GREB1: variants seen among roughly 807,000 people sequenced by gnomAD.
GREB1 encodes growth regulating estrogen receptor binding 1, also known as protein GREB1.
GREB1 carries 106 observed loss-of-function variants against 200.7 expected under a neutral mutation model. That is an observed-to-expected ratio of 0.53 (90% CI 0.45 to 0.62). GREB1 has a LOEUF of 0.62. Ranked by LOEUF, GREB1 falls within the 20% of genes least tolerant of loss-of-function variation. The pLI is 0.00. For missense variants in GREB1, 2,243 were observed against 2,556.8 expected (o/e 0.88, Z 2.65); for synonymous variants, 1,132 against 1,092.4 (o/e 1.04, Z -0.72).
intron 7 of GREB1, among the ~76,000 whole-genome samples, chr2:11,584,043 C>A (rs929342141): frequency 6.6e-6 from 1 of 152,100 alleles, no homozygotes; most frequent in Non-Finnish European, 1.5e-5. Flanking sequence ...ATTTCTCCAC[C>A]CGGGCTGTGC....
intron 1 of GREB1, among the ~76,000 whole-genome samples, chr2:11,517,679 T>C (rs1673554000): frequency 6.6e-6 from 1 of 151,876 alleles, no homozygotes; most frequent in Non-Finnish European, 1.5e-5. Context: ...TGAGACAGAG[T>C]CTCGCTCTGT....
chr2:11,553,499 C>CA (rs1558534865), intron 1 of GREB1, among the ~76,000 whole-genome samples: 3 of 147,826 alleles, frequency 2.0e-5, no homozygotes, highest in South Asian at 2.1e-4. Flanking sequence ...AACAAACAAA[C>CA]AAAAAACCCC....
chr2:11,592,725 C>T, intron 10 of GREB1, 51 bp from the exon 11 acceptor site: 1 of 1,263,636 alleles, frequency 7.9e-7, no homozygotes, highest in Non-Finnish European at 1.1e-6. Flanking sequence ...CCGTGCGTCC[C>T]CGGATGCCGC....
At chr2:11,634,433 C>T (rs1381493552) in intron 29 of GREB1, 84 bp downstream of exon 29, 7 of 1,068,294 alleles carry the variant, frequency 6.6e-6, no homozygotes, top group Middle Eastern at 2.8e-4. Context: ...GCTGCAGAGG[C>T]GTCCTGGCTG....
At chr2:11,546,070 G>T (rs976160425) in intron 1 of GREB1, among the ~76,000 whole-genome samples, 1 of 152,074 alleles carries the variant, frequency 6.6e-6, no homozygotes, top group Non-Finnish European at 1.5e-5. Context: ...CCAGCTACTC[G>T]GGAGGCTGAG....
rs776887406 is a variant in GREB1 at position 11,632,957 on chromosome 2, G to C, written c.4885G>C (p.Glu1629Gln). ...NLELERNRQEELGIKPQDIWP... is the reference protein window; with the variant it reads ...NLELERNRQEQLGIKPQDIWP... ...GGAGCTCGAGCGGAACCGGCAGGAG[G>C]AGCTGGGAATCAAGCCGCAGGACAT... The change falls in exon 28 of 33, where the codon GAG becomes CAG. Residue 1629 changes from glutamate (E) to glutamine (Q), a missense_variant. Coordinates refer to ENST00000381486, the MANE Select transcript of GREB1 (RefSeq NM_014668.4). 6.2e-7 allele frequency: 1 copy of C among 1,614,174 alleles called. No homozygotes were observed. Among genetic ancestry groups the C allele is most frequent in the Non-Finnish European group, 8.5e-7 (1 of 1,180,022 alleles).
upstream of GREB1, among the ~76,000 whole-genome samples, chr2:11,533,542 A>G (rs983031685): frequency 6.6e-6 from 1 of 152,246 alleles, no homozygotes; most frequent in Non-Finnish European, 1.5e-5. Context: ...CTCTGTAAAC[A>G]GAAGCCGGGA....
chr2:11,639,138 G>A (rs1168753584), intron 32 of GREB1, among the ~76,000 whole-genome samples: 1 of 152,142 alleles, frequency 6.6e-6, no homozygotes, highest in Admixed American at 6.6e-5. Context: ...CACCTTGGCT[G>A]GAGTGCAGTG....
At chr2:11,552,836 C>T (rs1047863004) in intron 1 of GREB1, among the ~76,000 whole-genome samples, 1 of 151,902 alleles carries the variant, frequency 6.6e-6, no homozygotes, top group Non-Finnish European at 1.5e-5. Context: ...ACGGTGAAAC[C>T]CCGTCTCTAC....
chr2:11,600,711 G>T (rs1358491764), intron 15 of GREB1, 89 bp from the exon 16 acceptor site: 4 of 1,002,376 alleles, frequency 4.0e-6, no homozygotes, highest in Non-Finnish European at 1.6e-6. Context: ...TAAAGTCAGG[G>T]GTTAGTTATA....
upstream of GREB1, among the ~76,000 whole-genome samples, chr2:11,532,464 TC>T (rs1284369263): frequency 6.6e-6 from 1 of 152,228 alleles, no homozygotes; most frequent in African/African-American, 2.4e-5. Flanking sequence ...TAGTTATCTT[TC>T]CTTACGCCTT....
At chr2:11,484,587 AAAAAC>A (rs768134401) in intron 1 of GREB1, among the ~76,000 whole-genome samples, 3,604 of 11,154 alleles carry the variant, frequency 0.32, 125 homozygotes, top group South Asian at 0.41. Context: ...TCATCTCTTA[AAAAAC>A]AAAAAAAAAA....
At chr2:11,608,981 G>A (rs1427597792) in intron 17 of GREB1, among the ~76,000 whole-genome samples, 1 of 152,104 alleles carries the variant, frequency 6.6e-6, no homozygotes, top group Admixed American at 6.6e-5. Flanking sequence ...CTCTTCCTGA[G>A]TACATCCCAG....
At chr2:11,579,539 T>C (rs564187004) in intron 6 of GREB1, among the ~76,000 whole-genome samples, 2 of 152,350 alleles carry the variant, frequency 1.3e-5, no homozygotes, top group East Asian at 3.9e-4. Flanking sequence ...ATTCTCACAG[T>C]GGCTCTGAGT....
At chr2:11,596,852 G>A (rs1339761443) in intron 13 of GREB1, among the ~76,000 whole-genome samples, 1 of 137,038 alleles carries the variant, frequency 7.3e-6, no homozygotes, top group Non-Finnish European at 1.6e-5. Context: ...CAGGGTCACT[G>A]GTGTGTACAG....
intron 1 of GREB1, among the ~76,000 whole-genome samples, chr2:11,496,018 G>T (rs747731332): frequency 1.3e-5 from 2 of 152,130 alleles, no homozygotes; most frequent in Non-Finnish European, 2.9e-5. Flanking sequence ...CCAAAAAGCG[G>T]CACGGCTGGG....
chr2:11,607,538 A>G (rs1682464176), intron 17 of GREB1, among the ~76,000 whole-genome samples: 1 of 146,560 alleles, frequency 6.8e-6, no homozygotes, highest in African/African-American at 2.6e-5. Flanking sequence ...ACACATATAT[A>G]TACATATATG....
chr2:11,517,252 G>C (rs1673538000), intron 1 of GREB1: 1 of 152,742 alleles, frequency 6.5e-6, no homozygotes, highest in Non-Finnish European at 1.5e-5. Context: ...AGTCGGTGTT[G>C]TGCAGTCGCT....
At position 11,629,270 on chromosome 2, in the gene GREB1, C is replaced by T. The variant is rs1684696473; in HGVS notation, c.4450-678C>T. 6.6e-6 allele frequency among the ~76,000 whole-genome samples: 1 copy of T among 152,070 alleles called. No individual in the cohort carries two copies. The highest frequency in any genetic ancestry group is 1.5e-5 in the Non-Finnish European group (1 of 68,020). ...CGTAAGAGGACGTTCAAGCTGAGGG[C>T]AAAGCTGCGCTGGAGGTCACACCCA... On this transcript the variant is annotated intron_variant, in intron 25 of 32. Transcript: ENST00000381486. The surrounding 1 kb of genome is among the most constrained non-coding windows in gnomAD (Gnocchi z 5.2).
Sources: gnomAD v4.1 joint callset for allele counts (sites outside exome capture counted in the v4.1 genomes callset) on GRCh38, gnomAD v4.1.1 for gene constraint, Gnocchi (gnomAD v3.1) non-coding constraint, MANE v1.5 for transcripts, NCBI Gene and HGNC (gene_info 2026-07-23, HGNC 2026-07-21) for gene names.